SLC6A15: variants seen among roughly 807,000 people sequenced by gnomAD.
The protein encoded by SLC6A15 is solute carrier family 6 member 15.
A neutral mutation model predicts 68.5 loss-of-function variants in SLC6A15; 33 were observed. That is an observed-to-expected ratio of 0.48 (90% CI 0.37 to 0.64). The LOEUF is 0.64. Ranked by LOEUF, SLC6A15 falls within the 30% of genes least tolerant of loss-of-function variation. SLC6A15 has a pLI of 0.00. For missense variants in SLC6A15, 747 were observed against 874.3 expected, an observed-to-expected ratio of 0.85 and a Z score of 1.84; for synonymous variants, 347 against 301.0, an observed-to-expected ratio of 1.15 and a Z score of -1.58.
At position 84,883,845 on chromosome 12, in the gene SLC6A15, TCTA is replaced by T; in HGVS notation, c.756+11_756+13del. On this transcript the variant is annotated intron_variant, in intron 5 of 11. Transcript: ENST00000266682. ...GGTGATTAGCAGAATGAGGAAGGGC[TCTA>T]ACATACTAACTTTTCCAGAAGACTG... 6.2e-7 allele frequency: 1 copy of T among 1,614,072 alleles called. No homozygotes were observed. The highest frequency in any genetic ancestry group is 8.5e-7 in the Non-Finnish European group (1 of 1,180,010).
At chr12:84,911,596 A>C (rs1186034231) in intron 1 of SLC6A15, among the ~76,000 whole-genome samples, 1 of 152,200 alleles carries the variant, frequency 6.6e-6, no homozygotes, top group Non-Finnish European at 1.5e-5. Flanking sequence ...CCGTTCCCGC[A>C]GCCTGTGCCA....
In SLC6A15 at chr12:84,872,747, T is replaced by G; in HGVS notation, c.1157A>C (p.Gln386Pro). 1 of 1,606,496 alleles carries G rather than the reference T, an allele frequency of 6.2e-7. No homozygotes were observed. Among genetic ancestry groups the G allele is most frequent in the Non-Finnish European group, 8.5e-7 (1 of 1,178,212 alleles). The change falls in exon 8 of 12, where the codon CAG becomes CCG. Residue 386 changes from glutamine to proline, a missense_variant. Physicochemically the swap from Gln to Pro is moderately conservative, Grantham distance 76. Coordinates refer to ENST00000266682, the MANE Select transcript of SLC6A15 (RefSeq NM_182767.6). Reference protein sequence around the residue: ...MKFLKMGNISQDIIPHHINLS... With the variant: ...MKFLKMGNISPDIIPHHINLS... ...GTTGATATGATGGGGAATAATATCC[T>G]GACTAATGTTCCCCATTTTCAAAAA...
intron 1 of SLC6A15, among the ~76,000 whole-genome samples, chr12:84,902,798 A>G (rs1167222617): frequency 1.3e-5 from 2 of 152,172 alleles, no homozygotes; most frequent in Non-Finnish European, 2.9e-5. Context: ...GTGAAATAAC[A>G]TAATTATAGA....
chr12:84,897,412 T>C lies in SLC6A15; in HGVS notation c.-188-5104A>G, dbSNP rs138095450. Among the ~76,000 whole-genome samples the C allele has an allele frequency of 3.4e-3, 520 of 152,178 alleles. 3 individuals carry two copies. Among genetic ancestry groups the C allele is most frequent in the Middle Eastern group, 6.8e-3 (2 of 294 alleles). On this transcript the variant is annotated intron_variant, in intron 1 of 11. Transcript: ENST00000266682. ...TAATCCAACAAACTTCTAATTGGTATAGCCAAACACAATAATACAATTAAT... is the reference window on the plus strand; with the variant it reads ...TAATCCAACAAACTTCTAATTGGTACAGCCAAACACAATAATACAATTAAT...
rs1450781928 is a variant in SLC6A15, at chr12:84,885,492, A to T, written c.517T>A (p.Phe173Ile). Residue 173 changes from phenylalanine to isoleucine, a missense_variant, in exon 4 of 12, where the codon TTT becomes ATT. Coordinates refer to ENST00000266682, the MANE Select transcript of SLC6A15 (RefSeq NM_182767.6). Reference sequence around the variant, plus strand: ...TGATCCCAAGGCAGGGGTTGCTGAAAAGACTGAGAAAAATAAAACAAACTC... The same window carrying T: ...TGATCCCAAGGCAGGGGTTGCTGAATAGACTGAGAAAAATAAAACAAACTC... Reference protein sequence around the residue: ...GWSLFYFSQSFQQPLPWDQCP... With the variant: ...GWSLFYFSQSIQQPLPWDQCP... 1 of 1,613,566 alleles carries T rather than the reference A, an allele frequency of 6.2e-7. No homozygotes were observed. Among genetic ancestry groups the T allele is most frequent in the African/African-American group, 1.3e-5 (1 of 74,892 alleles).
chr12:84,893,423 T>C (rs2051484222), intron 1 of SLC6A15, among the ~76,000 whole-genome samples: 1 of 152,094 alleles, frequency 6.6e-6, no homozygotes, highest in African/African-American at 2.4e-5. Flanking sequence ...ATTTTTTTTT[T>C]CCTTTCTTTA....
At chr12:84,873,896 T>C (rs181625437) in intron 6 of SLC6A15, among the ~76,000 whole-genome samples, 2 of 152,358 alleles carry the variant, frequency 1.3e-5, no homozygotes, top group East Asian at 1.9e-4. Flanking sequence ...TTCACCTATA[T>C]TGTCTATAAG....
intron 2 of SLC6A15, among the ~76,000 whole-genome samples, chr12:84,890,995 C>T (rs142190589): frequency 2.0e-5 from 3 of 152,126 alleles, no homozygotes; most frequent in African/African-American, 7.2e-5. Flanking sequence ...ACATTTCAAT[C>T]CAATGTTAGT....
chr12:84,869,255 T>C lies in SLC6A15; in HGVS notation c.1495+1223A>G, dbSNP rs530242837. On this transcript the variant is annotated intron_variant, in intron 9 of 11. Transcript: ENST00000266682. ...CGGGCGGATCACGAGGTCAGGAGATTGAGACCATCCTGGCTAACACGGTGA... is the reference window on the plus strand; with the variant it reads ...CGGGCGGATCACGAGGTCAGGAGATCGAGACCATCCTGGCTAACACGGTGA... 1.4e-4 allele frequency among the ~76,000 whole-genome samples: 21 copies of C among 151,966 alleles called. 1 individual carries two copies. Among genetic ancestry groups the C allele is most frequent in the Admixed American group, 7.2e-4 (11 of 15,266 alleles).
rs1019087440 is a variant in SLC6A15 at position 84,860,307 on chromosome 12, C to T, written c.*1325G>A. Reference sequence around the variant, plus strand: ...TAACTAGAGGACACTCAGTGAGGTTCCTCTGCTCTATCCAATTTCATATAT... The same window carrying T: ...TAACTAGAGGACACTCAGTGAGGTTTCTCTGCTCTATCCAATTTCATATAT... On this transcript the variant is annotated 3_prime_UTR_variant, in exon 12 of 12. Coordinates refer to ENST00000266682, the MANE Select transcript of SLC6A15 (RefSeq NM_182767.6). 5.3e-5 allele frequency: 8 copies of T among 152,036 alleles called. No homozygotes were observed. Among genetic ancestry groups the T allele is most frequent in the Non-Finnish European group, 1.0e-4 (7 of 67,946 alleles). 9.4% of individuals were successfully genotyped at this position (152,036 alleles called of 1,614,324 possible).
At position 84,885,357 on chromosome 12, in the gene SLC6A15, A is replaced by C. The variant is rs1872044404; in HGVS notation, c.574+78T>G. 6 of 1,319,244 alleles carry C rather than the reference A, an allele frequency of 4.5e-6. No homozygotes were observed. In the Admixed American group the frequency reaches 1.7e-4, roughly 36 times the overall value. The allele number at this position is 1,319,244 out of a possible 1,614,324, so 81.7% of individuals were successfully genotyped here. On this transcript the variant is annotated intron_variant, in intron 4 of 11. Transcript: ENST00000266682. ...GATGTTTCTACATTATTTTAAAAAG[A>C]AAAAAATCTTGAAAGCTTGTACCTT... is the stretch of plus-strand genomic sequence containing the variant.
intron 1 of SLC6A15, among the ~76,000 whole-genome samples, chr12:84,894,692 A>G (rs2120688733): frequency 6.6e-6 from 1 of 152,248 alleles, no homozygotes; most frequent in Non-Finnish European, 1.5e-5. Flanking sequence ...ACCTTTGGCT[A>G]CTACTGCATG....
intron 5 of SLC6A15, chr12:84,883,362 T>C: frequency 1.0e-6 from 1 of 994,544 alleles, no homozygotes; most frequent in Non-Finnish European, 1.2e-6. Flanking sequence ...TATTATTAAC[T>C]ACTTAATGAT....
rs187198506 is a variant in SLC6A15, at chr12:84,900,560, C to T, written c.-188-8252G>A. ...GTTATTTGTAGTCAATATTCCCCTA[C>T]GTTCAATGTTAATTGGACATTGTTT... On this transcript the variant is annotated intron_variant, in intron 1 of 11. Transcript: ENST00000266682. 1.5e-3 allele frequency among the ~76,000 whole-genome samples: 228 copies of T among 151,710 alleles called. 1 individual carries two copies. Among genetic ancestry groups the T allele is most frequent in the African/African-American group, 5.3e-3 (218 of 41,442 alleles).
At chr12:84,897,904 G>A (rs1436901170) in intron 1 of SLC6A15, among the ~76,000 whole-genome samples, 1 of 151,842 alleles carries the variant, frequency 6.6e-6, no homozygotes, top group South Asian at 2.1e-4. Context: ...AAGGAAATAT[G>A]GTTTACTTTT....
rs1259398418 is a variant in SLC6A15, at chr12:84,892,224, C to A, written c.-104G>T. ...ATGTTACTTGATAGGAAGTAAAGACCGAGGATGATATCAAATAAATCCTTG... is the reference window on the plus strand; with the variant it reads ...ATGTTACTTGATAGGAAGTAAAGACAGAGGATGATATCAAATAAATCCTTG... On this transcript the variant is annotated 5_prime_UTR_variant, in exon 2 of 12. Coordinates refer to ENST00000266682, the MANE Select transcript of SLC6A15 (RefSeq NM_182767.6). The A allele has an allele frequency of 7.6e-6, 8 of 1,055,884 alleles. No homozygotes were observed. Among genetic ancestry groups the A allele is most frequent in the Non-Finnish European group, 9.4e-6 (7 of 742,416 alleles). The allele number at this position is 1,055,884 out of a possible 1,614,324, so 65.4% of individuals were successfully genotyped here.
At chr12:84,868,929 AT>A (rs1361524453) in intron 9 of SLC6A15, among the ~76,000 whole-genome samples, 1 of 152,190 alleles carries the variant, frequency 6.6e-6, no homozygotes. Context: ...CAGGATATGG[AT>A]TTTCATATTA....
intron 5 of SLC6A15, among the ~76,000 whole-genome samples, chr12:84,878,760 T>C (rs1156263827): frequency 6.6e-6 from 1 of 152,176 alleles, no homozygotes; most frequent in African/African-American, 2.4e-5. Context: ...CTACCCTTAG[T>C]ATGTCCCACT....
In SLC6A15 at chr12:84,870,672, T is replaced by C; in HGVS notation, c.1303-2A>G. ...AGCTAAGCCGGTCCCCTGAACAGCCTGCAAAATACACAAAATAGCAACATT... is the reference window on the plus strand; with the variant it reads ...AGCTAAGCCGGTCCCCTGAACAGCCCGCAAAATACACAAAATAGCAACATT... On this transcript the variant is annotated splice_acceptor_variant, in intron 8 of 11. Transcript: ENST00000266682. LOFTEE classifies it high-confidence loss of function. The C allele has an allele frequency of 6.2e-7, 1 of 1,602,338 alleles. No homozygotes were observed. Among genetic ancestry groups the C allele is most frequent in the Non-Finnish European group, 8.5e-7 (1 of 1,173,290 alleles).
Sources: allele counts gnomAD v4.1 joint callset (sites outside exome capture counted in the v4.1 genomes callset), GRCh38; gene constraint gnomAD v4.1.1; transcripts MANE v1.5; gene names NCBI Gene and HGNC (gene_info 2026-07-23, HGNC 2026-07-21).